Variants in DCX observed in about 807,000 individuals in gnomAD.
DCX encodes doublecortin.
Under a neutral mutation model 20.9 loss-of-function variants are expected in DCX, and 4 were observed. The ratio of observed to expected loss-of-function variants is 0.19; its 90% CI spans 0.09 to 0.44. DCX has a LOEUF of 0.44. DCX is among the 20% of genes least tolerant of loss of function. The probability of loss-of-function intolerance (pLI) is 0.99; values close to 1 mark genes in which losing one functional copy is unlikely to be tolerated. For missense variants in DCX, 133 were observed against 296.9 expected (o/e 0.45, Z 4.06); for synonymous variants, 103 against 111.4 (o/e 0.92, Z 0.47).
chrX:111,400,907 C>A (rs1002624766), intron 3 of DCX, 83 bp downstream of exon 3: 58 of 907,428 alleles, frequency 6.4e-5, no homozygotes, highest in Non-Finnish European at 8.9e-5. Context: ...AAGAGTCCGT[C>A]AACAAGAAAT....
intron 5 of DCX, among the ~76,000 whole-genome samples, chrX:111,316,092 A>ATAAATTAATTAATT (rs1556369834): frequency 6.2e-5 from 6 of 96,352 alleles, no homozygotes; most frequent in African/African-American, 2.7e-4. Context: ...AAAATAAAAA[A>ATAAATTAATTAATT]AAAAAAAAAA....
rs1371631529 is a variant in DCX, at chrX:111,300,937, ACTATTATCAATTGCTTAT to A, written c.*732_*749del. The A allele has an allele frequency of 1.8e-5, 2 of 112,936 alleles. No individual in the cohort carries two copies. The highest frequency in any genetic ancestry group is 6.5e-5 in the African/African-American group (2 of 30,723). The allele number at this position is 112,936 out of a possible 1,213,427, so 9.3% of individuals were successfully genotyped here. ...AGGTATATGAAGTCCCTTACTCCAA[ACTATTATCAATTGCTTAT>A]TGATTCCAAATTGCCTCAGTGGAGA... On this transcript the variant is annotated 3_prime_UTR_variant, in exon 7 of 7. Transcript: ENST00000636035.
At chrX:111,410,548 C>T (rs1603424403) in intron 1 of DCX, 128 bp from the exon 2 acceptor site, 1 of 1,007,443 alleles carries the variant, frequency 9.9e-7, no homozygotes, top group South Asian at 2.0e-5. Context: ...GTGAAAAGAA[C>T]TGGTTGAAAA....
intron 3 of DCX, among the ~76,000 whole-genome samples, chrX:111,376,907 T>A (rs1925578670): frequency 8.9e-6 from 1 of 112,288 alleles, no homozygotes; most frequent in South Asian, 3.7e-4. Flanking sequence ...AAATACAGGA[T>A]GCCCAGTTAA....
At chrX:111,379,845 T>C (rs1925831257) in intron 3 of DCX, among the ~76,000 whole-genome samples, 1 of 111,471 alleles carries the variant, frequency 9.0e-6, no homozygotes, top group Non-Finnish European at 1.9e-5. Context: ...TTTCTTTTTT[T>C]TAACTTCCTT....
At chrX:111,325,854 A>G (rs1034471412) in intron 5 of DCX, among the ~76,000 whole-genome samples, 1 of 112,297 alleles carries the variant, frequency 8.9e-6, no homozygotes, top group African/African-American at 3.2e-5. Flanking sequence ...CTACTAGAAA[A>G]TGTAAAATCA....
intron 3 of DCX, among the ~76,000 whole-genome samples, chrX:111,350,697 AC>A (rs1923235270): frequency 8.9e-6 from 1 of 112,231 alleles, no homozygotes; most frequent in Non-Finnish European, 1.9e-5. Context: ...CACAAGAGCA[AC>A]GATAAGAGGG....
intron 5 of DCX, among the ~76,000 whole-genome samples, chrX:111,328,175 G>A (rs1182904345): frequency 2.7e-5 from 3 of 111,664 alleles, no homozygotes; most frequent in Admixed American, 1.9e-4. Flanking sequence ...TCTGTTTATC[G>A]TGTGGGTTGG....
chrX:111,330,896 G>A lies in DCX; in HGVS notation c.946+8C>T, dbSNP rs974618803. ...GTCAGCGTGCACAGTTAGGAAAAGA[G>A]CACTCACCGTCTTGGTCGTTACCTG... On this transcript the variant is annotated splice_region_variant and intron_variant, in intron 5 of 6. Coordinates refer to ENST00000636035, the MANE Select transcript of DCX (RefSeq NM_001195553.2). The A allele has an allele frequency of 6.6e-6, 8 of 1,211,451 alleles. No homozygotes were observed. Among genetic ancestry groups the A allele is most frequent in the Non-Finnish European group, 8.9e-6 (8 of 895,145 alleles).
intron 2 of DCX, among the ~76,000 whole-genome samples, chrX:111,409,450 C>T (rs1433225153): frequency 9.0e-6 from 1 of 111,628 alleles, no homozygotes; most frequent in Non-Finnish European, 1.9e-5. Context: ...ATACCTACAG[C>T]TTTCTTTGGT....
intron 3 of DCX, among the ~76,000 whole-genome samples, chrX:111,364,305 A>G (rs1404011876): frequency 1.8e-5 from 2 of 112,268 alleles, no homozygotes; most frequent in Admixed American, 1.9e-4. Context: ...GGTGAACACC[A>G]CTGTTCACAC....
chrX:111,411,206 C>A, intron 1 of DCX: 1 of 390,238 alleles, frequency 2.6e-6, no homozygotes. Context: ...TCTGTCTTCC[C>A]CCGGTTCCAT....
At chrX:111,366,693 T>G in intron 3 of DCX, among the ~76,000 whole-genome samples, 1 of 111,878 alleles carries the variant, frequency 8.9e-6, no homozygotes, top group African/African-American at 3.2e-5. Flanking sequence ...GAGAGGTCAA[T>G]GCCAGGTGTC....
At chrX:111,337,422 C>G (rs1041894858) in intron 3 of DCX, among the ~76,000 whole-genome samples, 16 of 110,798 alleles carry the variant, frequency 1.4e-4, no homozygotes, top group African/African-American at 5.3e-4. Flanking sequence ...GGAAGGGAAG[C>G]CAGCTTGGTT....
At chrX:111,312,122 G>C (rs989091151) in intron 6 of DCX, among the ~76,000 whole-genome samples, 2 of 112,825 alleles carry the variant, frequency 1.8e-5, no homozygotes, top group African/African-American at 6.4e-5. Context: ...GTGTATATGT[G>C]CTCTCTTCCT....
At chrX:111,367,880 G>C (rs894759743) in intron 3 of DCX, among the ~76,000 whole-genome samples, 1 of 111,501 alleles carries the variant, frequency 9.0e-6, no homozygotes, top group African/African-American at 3.3e-5. Context: ...TTGCCCCAGT[G>C]GTGGGCCCTT....
At chrX:111,314,150 C>T (rs1254285455) in intron 5 of DCX, among the ~76,000 whole-genome samples, 7 of 111,553 alleles carry the variant, frequency 6.3e-5, no homozygotes, top group African/African-American at 1.3e-4. Flanking sequence ...TTTATTTAAG[C>T]GCAAGTGAGC....
intron 6 of DCX, among the ~76,000 whole-genome samples, chrX:111,307,140 T>C: frequency 9.0e-6 from 1 of 110,785 alleles, no homozygotes; most frequent in South Asian, 3.9e-4. Flanking sequence ...GTGAATTCTA[T>C]ACTATGTGAA....
intron 3 of DCX, among the ~76,000 whole-genome samples, chrX:111,359,687 T>C (rs1340596767): frequency 8.9e-6 from 1 of 112,033 alleles, no homozygotes; most frequent in Non-Finnish European, 1.9e-5. Context: ...AACAGTCCAA[T>C]AGAAAATGGG....
Sources: allele counts gnomAD v4.1 joint callset (sites outside exome capture counted in the v4.1 genomes callset), GRCh38; gene constraint gnomAD v4.1.1; transcripts MANE v1.5; gene names NCBI Gene and HGNC (gene_info 2026-07-23, HGNC 2026-07-21).